BIRC6: variants seen among roughly 807,000 people sequenced by gnomAD.
BIRC6 encodes the protein baculoviral IAP repeat containing 6, also known as dual E2 ubiquitin-conjugating enzyme/E3 ubiquitin-protein ligase BIRC6.
Under a neutral mutation model 503.3 loss-of-function variants are expected in BIRC6, and 98 were observed. The ratio of observed to expected loss-of-function variants is 0.19; its 90% CI spans 0.17 to 0.23. BIRC6 has a LOEUF of 0.23. Among genes scored for constraint, BIRC6 ranks in the 10% least tolerant of loss-of-function variants. The probability of loss-of-function intolerance (pLI) is 1.00; values close to 1 mark genes in which losing one functional copy is unlikely to be tolerated. For missense variants in BIRC6, 5,360 were observed against 5,806.0 expected (o/e 0.92, Z 2.50); for synonymous variants, 2,240 against 2,078.7 (o/e 1.08, Z -2.11).
At chr2:32,538,994 A>G (rs1473643447) in intron 61 of BIRC6, among the ~76,000 whole-genome samples, 1 of 152,240 alleles carries the variant, frequency 6.6e-6, no homozygotes, top group Non-Finnish European at 1.5e-5. Flanking sequence ...TTGTCAGAAT[A>G]GAGGAAAAAG....
chr2:32,581,306 A>G (rs2060657530), intron 66 of BIRC6, among the ~76,000 whole-genome samples: 1 of 152,188 alleles, frequency 6.6e-6, no homozygotes. Context: ...CTAAAAGAGA[A>G]CTCATATGAT....
At chr2:32,513,933 C>T (rs940726110) in intron 54 of BIRC6, among the ~76,000 whole-genome samples, 18 of 151,468 alleles carry the variant, frequency 1.2e-4, no homozygotes, top group African/African-American at 4.4e-4. Context: ...CAGCCGGACA[C>T]GGTGGTATGC....
At chr2:32,451,719 A>G (rs1249785395) in intron 22 of BIRC6, among the ~76,000 whole-genome samples, 2 of 152,214 alleles carry the variant, frequency 1.3e-5, no homozygotes, top group Admixed American at 6.5e-5. Flanking sequence ...TTTTATTTGC[A>G]GTAATGACTG....
chr2:32,496,459 A>G (rs1383945155), intron 45 of BIRC6, among the ~76,000 whole-genome samples: 4 of 152,148 alleles, frequency 2.6e-5, no homozygotes, highest in Non-Finnish European at 5.9e-5. Flanking sequence ...CCTGGCCTCA[A>G]GAGATCCACC....
intron 69 of BIRC6, 119 bp from the exon 70 acceptor site, chr2:32,599,620 A>G (rs1173846177): frequency 3.0e-6 from 3 of 985,730 alleles, no homozygotes; most frequent in Non-Finnish European, 4.5e-6. Flanking sequence ...CCTGGGCGAC[A>G]GAGTGGGACT....
chr2:32,478,104 G>A (rs1234946611), intron 35 of BIRC6, among the ~76,000 whole-genome samples: 1 of 152,032 alleles, frequency 6.6e-6, no homozygotes, highest in Non-Finnish European at 1.5e-5. Flanking sequence ...ACTTCGGGAG[G>A]CGGAGGGGCG....
chr2:32,477,713 A>G, intron 35 of BIRC6, 130 bp downstream of exon 35: 1 of 468,712 alleles, frequency 2.1e-6, no homozygotes, highest in South Asian at 5.0e-5. Flanking sequence ...AGTGTGGGCA[A>G]TGTGGCAAAA....
At chr2:32,518,223 A>G in intron 55 of BIRC6, 31 bp from the exon 56 acceptor site, 2 of 1,593,472 alleles carry the variant, frequency 1.3e-6, no homozygotes, top group Non-Finnish European at 1.7e-6. Context: ...TAAATCTTGC[A>G]TTTAACTTTT....
Position 32,357,072 on chromosome 2 carries a change from C to G in BIRC6, c.-90C>G. 2.5e-6 allele frequency: 3 copies of G among 1,185,990 alleles called. No homozygotes were observed. Among genetic ancestry groups the G allele is most frequent in the Non-Finnish European group, 3.4e-6 (3 of 892,062 alleles). 73.5% of individuals were successfully genotyped at this position (1,185,990 alleles called of 1,614,324 possible). ...CCCGTCAGCCTCCCTCCGAGTTTGGCCCCTCCGGCCGGGCGATCGACGTTC... is the reference window on the plus strand; with the variant it reads ...CCCGTCAGCCTCCCTCCGAGTTTGGGCCCTCCGGCCGGGCGATCGACGTTC... On this transcript the variant is annotated 5_prime_UTR_variant, in exon 1 of 74. Transcript: ENST00000421745. This position sits in a 1 kb window ranked among gnomAD's most constrained non-coding sequence, Gnocchi z 4.9.
chr2:32,525,399 G>A (rs2149890641), intron 58 of BIRC6, 65 bp from the exon 59 acceptor site: 1 of 1,549,516 alleles, frequency 6.5e-7, no homozygotes, highest in South Asian at 1.1e-5. Flanking sequence ...AATATTTTAG[G>A]AACACTGTTT....
chr2:32,532,762 A>G (rs985817723), intron 61 of BIRC6, among the ~76,000 whole-genome samples: 2 of 152,220 alleles, frequency 1.3e-5, no homozygotes, highest in African/African-American at 4.8e-5. Flanking sequence ...CTAGACAATG[A>G]CATAATTACT....
chr2:32,575,396 G>C lies in BIRC6; in HGVS notation c.13355+30G>C, dbSNP rs773298889. Reference sequence around the variant, plus strand: ...TATATACAATGTTCATTTCTCTTGAGTTTGCCTCTAACAATGTTTTTAAAA... The same window carrying C: ...TATATACAATGTTCATTTCTCTTGACTTTGCCTCTAACAATGTTTTTAAAA... On this transcript the variant is annotated intron_variant, in intron 66 of 73. Transcript: ENST00000421745. 1.0e-5 allele frequency: 16 copies of C among 1,595,192 alleles called. No homozygotes were observed. The Admixed American group carries it at 2.7e-4, about 27-fold the overall frequency.
chr2:32,544,718 T>G (rs1288951648), intron 62 of BIRC6, among the ~76,000 whole-genome samples: 1 of 80,504 alleles, frequency 1.2e-5, no homozygotes, highest in Non-Finnish European at 2.7e-5. Flanking sequence ...TATCAAATAT[T>G]CAAAGTAAAT....
Position 32,611,591 on chromosome 2 carries a change from G to T in BIRC6, c.14394+9G>T, listed in dbSNP as rs1269230668. On this transcript the variant is annotated intron_variant, in intron 73 of 73. Coordinates refer to ENST00000421745, the MANE Select transcript of BIRC6 (RefSeq NM_016252.4). ...ATGCAGCAGCTCTCAAGGTGAGTAA[G>T]CCTCTCTAACAGGAGCCTTGTTGCT... 1.3e-6 allele frequency: 2 copies of T among 1,553,438 alleles called. No individual in the cohort carries two copies. The highest frequency in any genetic ancestry group is 2.5e-5 in the South Asian group (2 of 80,468).
intron 13 of BIRC6, among the ~76,000 whole-genome samples, chr2:32,434,662 G>C (rs1301746635): frequency 6.6e-6 from 1 of 152,076 alleles, no homozygotes; most frequent in Non-Finnish European, 1.5e-5. Flanking sequence ...AGCCTGGGAA[G>C]TATAGCAAGC....
chr2:32,532,376 T>G, intron 61 of BIRC6: 1 of 411,176 alleles, frequency 2.4e-6, no homozygotes. Flanking sequence ...CTTCCTGGCT[T>G]CTATTGGTTG....
At chr2:32,463,529 T>C (rs2048217247) in intron 24 of BIRC6, 148 bp downstream of exon 24, 1 of 706,644 alleles carries the variant, frequency 1.4e-6, no homozygotes, top group Non-Finnish European at 2.2e-6. Context: ...GTAAAGTCTT[T>C]GTGATATTTA....
intron 23 of BIRC6, among the ~76,000 whole-genome samples, chr2:32,461,024 T>C (rs2047854861): frequency 2.9e-5 from 2 of 69,146 alleles, no homozygotes; most frequent in Admixed American, 1.5e-4. Flanking sequence ...TCTCTTCTCT[T>C]CTCTTCTCTT....
At chr2:32,482,616 A>T (rs375117965) in intron 39 of BIRC6, 34 bp downstream of exon 39, 5 of 1,606,798 alleles carry the variant, frequency 3.1e-6, no homozygotes, top group Non-Finnish European at 4.3e-6. Context: ...GACATATGCT[A>T]TTCTTAAAAC....
Sources: gnomAD v4.1 joint callset for allele counts (sites outside exome capture counted in the v4.1 genomes callset) on GRCh38, gnomAD v4.1.1 for gene constraint, Gnocchi (gnomAD v3.1) non-coding constraint, MANE v1.5 for transcripts, NCBI Gene and HGNC (gene_info 2026-07-23, HGNC 2026-07-21) for gene names.